The following ANKS1B variants were observed in gnomAD, a reference collection of about 807,000 sequenced individuals.
ANKS1B encodes the protein ankyrin repeat and sterile alpha motif domain containing 1B, also known as ankyrin repeat and sterile alpha motif domain-containing protein 1B.
In ANKS1B, 36 loss-of-function variants were observed where a neutral mutation model predicts 148.3. The observed-to-expected ratio is 0.24, with a 90% CI of 0.19 to 0.32. The LOEUF (loss-of-function observed/expected upper bound fraction) is 0.32. Among genes scored for constraint, ANKS1B ranks in the 10% least tolerant of loss-of-function variants. The probability of loss-of-function intolerance (pLI) is 1.00; values close to 1 mark genes in which losing one functional copy is unlikely to be tolerated. For synonymous variants in ANKS1B, 542 were observed against 560.8 expected, an observed-to-expected ratio of 0.97 and a Z score of 0.47; for missense variants, 1,157 against 1,542.6, an observed-to-expected ratio of 0.75 and a Z score of 4.19.
chr12:98,914,271 T>C (rs2099790998), intron 17 of ANKS1B, among the ~76,000 whole-genome samples: 1 of 152,126 alleles, frequency 6.6e-6, no homozygotes, highest in Non-Finnish European at 1.5e-5. Flanking sequence ...GCCATGATTG[T>C]AAGCTTCCTG....
Position 98,756,873 on chromosome 12 carries a change from GC to G in ANKS1B, c.3580-5352del, listed in dbSNP as rs1037903689. Among the ~76,000 whole-genome samples, 77 of 151,246 alleles carry G rather than the reference GC, an allele frequency of 5.1e-4. 1 individual carries two copies. Among genetic ancestry groups the G allele is most frequent in the Admixed American group, 1.1e-3 (16 of 15,190 alleles). ...CTCCCGAGTGGCTGGGATTACAGGC[GC>G]CCACCACCACGCCTGGCTACTTTTT... On this transcript the variant is annotated intron_variant, in intron 25 of 26. Coordinates refer to ENST00000683438, the MANE Select transcript of ANKS1B (RefSeq NM_001352186.2).
At chr12:99,572,318 G>GT (rs1432428887) in intron 9 of ANKS1B, among the ~76,000 whole-genome samples, 2 of 151,956 alleles carry the variant, frequency 1.3e-5, no homozygotes, top group Non-Finnish European at 2.9e-5. Flanking sequence ...GAAAATAAAT[G>GT]TTTTTTATTA....
intron 10 of ANKS1B, among the ~76,000 whole-genome samples, chr12:99,447,292 TCACA>T (rs1226430809): frequency 3.3e-5 from 5 of 151,982 alleles, no homozygotes; most frequent in African/African-American, 1.2e-4. Flanking sequence ...GACCTTCATC[TCACA>T]CTATATACAA....
chr12:99,745,720 C>T (rs1192318830), intron 8 of ANKS1B, among the ~76,000 whole-genome samples: 1 of 151,878 alleles, frequency 6.6e-6, no homozygotes, highest in Non-Finnish European at 1.5e-5. Context: ...TATAACCTGT[C>T]ATTTTATTAT....
chr12:99,093,487 T>C (rs2054809874), intron 15 of ANKS1B: 1 of 152,228 alleles, frequency 6.6e-6, no homozygotes, highest in Non-Finnish European at 1.5e-5. Flanking sequence ...TGGGTGTTTT[T>C]CTTTTAGGTC....
chr12:99,002,999 T>G (rs1044674697), intron 17 of ANKS1B, among the ~76,000 whole-genome samples: 1 of 152,226 alleles, frequency 6.6e-6, no homozygotes, highest in Non-Finnish European at 1.5e-5. Context: ...CTACTTGGCA[T>G]TGATTTTTGT....
At chr12:99,867,112 A>T (rs748667735) in intron 1 of ANKS1B, among the ~76,000 whole-genome samples, 1 of 152,140 alleles carries the variant, frequency 6.6e-6, no homozygotes, top group Non-Finnish European at 1.5e-5. Context: ...CTTCCTATTC[A>T]CCTGGCCACT....
At chr12:98,943,881 G>A (rs563101764) in intron 17 of ANKS1B, among the ~76,000 whole-genome samples, 3 of 152,272 alleles carry the variant, frequency 2.0e-5, no homozygotes, top group Admixed American at 1.3e-4. Flanking sequence ...AATCTCCAGC[G>A]TTGCAGGTAG....
At chr12:99,416,077 T>C (rs1460027764) in intron 11 of ANKS1B, among the ~76,000 whole-genome samples, 1 of 152,232 alleles carries the variant, frequency 6.6e-6, no homozygotes, top group East Asian at 1.9e-4. Context: ...TTCTACAATT[T>C]TGTCACATTA....
chr12:99,045,796 T>A (rs2099961950), intron 17 of ANKS1B, among the ~76,000 whole-genome samples: 1 of 152,188 alleles, frequency 6.6e-6, no homozygotes, highest in Non-Finnish European at 1.5e-5. Context: ...TGCATTTGCC[T>A]GCAATTGCCC....
chr12:99,478,821 TAGAGG>T (rs1271825820), intron 10 of ANKS1B, among the ~76,000 whole-genome samples: 2 of 152,124 alleles, frequency 1.3e-5, no homozygotes, highest in Non-Finnish European at 2.9e-5. Flanking sequence ...TCAATCATGC[TAGAGG>T]AAAGACCGAA....
At chr12:99,342,968 T>A (rs1046658810) in intron 12 of ANKS1B, among the ~76,000 whole-genome samples, 9 of 151,924 alleles carry the variant, frequency 5.9e-5, no homozygotes, top group African/African-American at 1.7e-4. Flanking sequence ...AATTTATTTT[T>A]AATATATTTT....
At chr12:99,582,323 T>C (rs575267525) in intron 9 of ANKS1B, among the ~76,000 whole-genome samples, 1 of 151,894 alleles carries the variant, frequency 6.6e-6, no homozygotes, top group East Asian at 1.9e-4. Flanking sequence ...CATAAGACTA[T>C]GTAATCCCAC....
At chr12:98,980,543 A>C (rs766653303) in intron 17 of ANKS1B, among the ~76,000 whole-genome samples, 3 of 152,132 alleles carry the variant, frequency 2.0e-5, no homozygotes, top group Non-Finnish European at 4.4e-5. Flanking sequence ...TGCTAGTTCC[A>C]TTATCTCTGT....
intron 15 of ANKS1B, among the ~76,000 whole-genome samples, chr12:99,122,674 G>A (rs1031096201): frequency 2.6e-5 from 4 of 152,124 alleles, no homozygotes; most frequent in Non-Finnish European, 4.4e-5. Flanking sequence ...AACGCTTGCT[G>A]GCAGCCAACT....
At chr12:99,696,540 T>C (rs1397335637) in intron 8 of ANKS1B, among the ~76,000 whole-genome samples, 1 of 151,784 alleles carries the variant, frequency 6.6e-6, no homozygotes, top group East Asian at 1.9e-4. Context: ...AAAAAAAAAA[T>C]TAGACACAGG....
intron 26 of ANKS1B, among the ~76,000 whole-genome samples, chr12:98,748,012 A>G (rs2097941265): frequency 6.6e-6 from 1 of 152,204 alleles, no homozygotes; most frequent in African/African-American, 2.4e-5. Flanking sequence ...GGTTAAATAG[A>G]AGGAGTAAGT....
intron 14 of ANKS1B, among the ~76,000 whole-genome samples, chr12:99,173,601 A>G (rs991839908): frequency 3.9e-5 from 6 of 152,174 alleles, no homozygotes; most frequent in African/African-American, 1.4e-4. Flanking sequence ...ACTAAAATAT[A>G]TTTATACTAT....
At chr12:99,609,184 T>C (rs1451786264) in intron 9 of ANKS1B, among the ~76,000 whole-genome samples, 1 of 152,084 alleles carries the variant, frequency 6.6e-6, no homozygotes, top group Non-Finnish European at 1.5e-5. Context: ...AGAAAAAGCC[T>C]GAATATCAGC....
Sources: allele counts gnomAD v4.1 joint callset (sites outside exome capture counted in the v4.1 genomes callset), GRCh38; gene constraint gnomAD v4.1.1; transcripts MANE v1.5; gene names NCBI Gene and HGNC (gene_info 2026-07-23, HGNC 2026-07-21).